RAPGEF2: variants seen among roughly 807,000 people sequenced by gnomAD.
RAPGEF2 encodes the protein PDZ domain containing guanine nucleotide exchange factor (GEF) 1.
RAPGEF2 carries 54 observed loss-of-function variants against 186.7 expected under a neutral mutation model. The ratio of observed to expected loss-of-function variants is 0.29; its 90% CI spans 0.23 to 0.36. RAPGEF2 has a LOEUF of 0.36. Ranked by LOEUF, RAPGEF2 falls within the 10% of genes least tolerant of loss-of-function variation. RAPGEF2 has a pLI of 1.00. For synonymous variants in RAPGEF2, 712 were observed against 705.9 expected (o/e 1.01, Z -0.14); for missense variants, 1,532 against 2,045.0 (o/e 0.75, Z 4.84).
intron 3 of RAPGEF2, among the ~76,000 whole-genome samples, chr4:159,202,121 T>G (rs1222894750): frequency 1.3e-5 from 2 of 152,216 alleles, no homozygotes; most frequent in African/African-American, 4.8e-5. Context: ...AGCCACTGTT[T>G]CTGGACATTT....
chr4:159,217,021 G>A (rs556188404), intron 4 of RAPGEF2, among the ~76,000 whole-genome samples: 18 of 151,998 alleles, frequency 1.2e-4, no homozygotes, highest in African/African-American at 3.1e-4. Flanking sequence ...TCTGCTTGCC[G>A]GTGCTGCGTG....
At chr4:159,195,294 T>A (rs1236730614) in intron 3 of RAPGEF2, among the ~76,000 whole-genome samples, 1 of 152,150 alleles carries the variant, frequency 6.6e-6, no homozygotes, top group Non-Finnish European at 1.5e-5. Flanking sequence ...AGTATACAAA[T>A]AACAGGGATA....
At chr4:159,298,790 A>C (rs921930873) in intron 7 of RAPGEF2, among the ~76,000 whole-genome samples, 1 of 152,202 alleles carries the variant, frequency 6.6e-6, no homozygotes, top group African/African-American at 2.4e-5. Flanking sequence ...TTCCAGCTAC[A>C]GGAATCATGA....
At chr4:159,352,947 C>G in intron 27 of RAPGEF2, 37 bp downstream of exon 27, 1 of 1,504,244 alleles carries the variant, frequency 6.6e-7, no homozygotes, top group Non-Finnish European at 9.1e-7. Flanking sequence ...TGAATTTATC[C>G]TTCCATCTCT....
At chr4:159,212,842 C>T (rs1490677773) in intron 4 of RAPGEF2, among the ~76,000 whole-genome samples, 5 of 152,248 alleles carry the variant, frequency 3.3e-5, no homozygotes, top group Middle Eastern at 3.4e-3. Flanking sequence ...CAGTAGTGGT[C>T]GTCCTTGACT....
rs910377638 is a variant in RAPGEF2 at position 159,314,688 on chromosome 4, C to A, written c.773C>A (p.Ala258Glu). Residue 258 changes from alanine to glutamate, a missense_variant, in exon 9 of 30, where the codon GCA becomes GAA. Physicochemically the swap from Ala to Glu is moderately radical, Grantham distance 107. This residue lies in a region of RAPGEF2 where 810 missense variants were observed against 1,210.5 expected (regional missense o/e 0.67). Transcript: ENST00000691494. Reference sequence around the variant, plus strand: ...GACGATGAAGAAGACATTGAGAGAGCATCAGATCCTCTGATGAGCAGGGAC... The same window carrying A: ...GACGATGAAGAAGACATTGAGAGAGAATCAGATCCTCTGATGAGCAGGGAC... Reference protein sequence around the residue: ...DDDDEEDIERASDPLMSRDIV... With the variant: ...DDDDEEDIERESDPLMSRDIV... 1 of 1,613,826 alleles carries A rather than the reference C, an allele frequency of 6.2e-7. No individual in the cohort carries two copies. The highest frequency in any genetic ancestry group is 8.5e-7 in the Non-Finnish European group (1 of 1,179,922).
chr4:159,202,534 C>T (rs61358978), intron 3 of RAPGEF2, among the ~76,000 whole-genome samples: 19,041 of 152,104 alleles, frequency 0.13, 2,443 homozygotes, highest in African/African-American at 0.33. Context: ...CAGCCACTTC[C>T]GCAACGCCTG....
At chr4:159,175,529 A>T (rs1746369256) in intron 1 of RAPGEF2, among the ~76,000 whole-genome samples, 1 of 152,206 alleles carries the variant, frequency 6.6e-6, no homozygotes, top group Non-Finnish European at 1.5e-5. Flanking sequence ...CAGTTTTAAT[A>T]GGAGTGCTGA....
intron 8 of RAPGEF2, among the ~76,000 whole-genome samples, chr4:159,308,173 T>C (rs1258321226): frequency 6.6e-6 from 1 of 152,162 alleles, no homozygotes; most frequent in Non-Finnish European, 1.5e-5. Flanking sequence ...TAGTTGGAGC[T>C]TACAGCCTGC....
intron 7 of RAPGEF2, among the ~76,000 whole-genome samples, chr4:159,261,721 G>T (rs1756901172): frequency 6.6e-6 from 1 of 152,044 alleles, no homozygotes; most frequent in Non-Finnish European, 1.5e-5. Context: ...CTTTGCTCTG[G>T]ACATCATAGG....
chr4:159,157,702 C>T lies in RAPGEF2; in HGVS notation c.70-28940C>T, dbSNP rs557320393. ...GGGAAGGGGAAACCTTATGAGACAACAGCTTTCTATTGCCATGGTTTTCCT... is the reference window on the plus strand; with the variant it reads ...GGGAAGGGGAAACCTTATGAGACAATAGCTTTCTATTGCCATGGTTTTCCT... On this transcript the variant is annotated intron_variant, in intron 1 of 29. Coordinates refer to ENST00000691494, the MANE Select transcript of RAPGEF2 (RefSeq NM_001394067.2). Among the ~76,000 whole-genome samples the T allele has an allele frequency of 2.0e-5, 3 of 152,318 alleles. No homozygotes were observed. The East Asian group carries it at 5.8e-4, about 29-fold the overall frequency.
At chr4:159,124,897 T>C (rs577092274) in intron 1 of RAPGEF2, among the ~76,000 whole-genome samples, 1 of 152,348 alleles carries the variant, frequency 6.6e-6, no homozygotes, top group East Asian at 1.9e-4. Flanking sequence ...TTATTGTTCA[T>C]CTGTTAATGT....
At chr4:159,301,115 G>A (rs1762614020) in intron 7 of RAPGEF2, among the ~76,000 whole-genome samples, 1 of 152,210 alleles carries the variant, frequency 6.6e-6, no homozygotes, top group Admixed American at 6.5e-5. Flanking sequence ...GCTCATGCCT[G>A]TAATCCCAGC....
In RAPGEF2 at chr4:159,118,815, C is replaced by T. The variant is rs61011101; in HGVS notation, c.69+14584C>T. Among the ~76,000 whole-genome samples the T allele has an allele frequency of 3.3e-5, 5 of 152,208 alleles. No homozygotes were observed. In the East Asian group the frequency reaches 9.7e-4, roughly 29 times the overall value. ...GACCAGACTGGTCTTGGATTTCTGACCTCAGGTGATCCACCCACCTCGGCC... is the reference window on the plus strand; with the variant it reads ...GACCAGACTGGTCTTGGATTTCTGATCTCAGGTGATCCACCCACCTCGGCC... On this transcript the variant is annotated intron_variant, in intron 1 of 29. Coordinates refer to ENST00000691494, the MANE Select transcript of RAPGEF2 (RefSeq NM_001394067.2).
rs550659074 is a variant in RAPGEF2 at position 159,282,757 on chromosome 4, G to A, written c.544-21585G>A. 1.6e-4 allele frequency: 56 copies of A among 361,136 alleles called. 1 individual carries two copies. In the Middle Eastern group the frequency reaches 1.8e-3, roughly 12 times the overall value. 22.4% of individuals were successfully genotyped at this position (361,136 alleles called of 1,614,324 possible). A position where few individuals can be genotyped will look rare whatever the true frequency, so the allele number is the denominator to read the frequency against. On this transcript the variant is annotated intron_variant, in intron 7 of 29. Coordinates refer to ENST00000691494, the MANE Select transcript of RAPGEF2 (RefSeq NM_001394067.2). ...CTTAATATAGATTATAGAAGCATGG[G>A]ATTTGGGGCTGTATTTAAATATGCC...
intron 1 of RAPGEF2, among the ~76,000 whole-genome samples, chr4:159,125,607 A>G (rs955311710): frequency 6.6e-6 from 1 of 151,940 alleles, no homozygotes; most frequent in Non-Finnish European, 1.5e-5. Flanking sequence ...AAATACAAAA[A>G]TTTAGCCGGG....
intron 1 of RAPGEF2, among the ~76,000 whole-genome samples, chr4:159,116,049 G>A (rs765880935): frequency 2.0e-5 from 3 of 152,010 alleles, no homozygotes; most frequent in Non-Finnish European, 4.4e-5. Flanking sequence ...TGATGAAAAC[G>A]TCAAAAGCAA....
chr4:159,176,080 A>G (rs1317307256), intron 1 of RAPGEF2, among the ~76,000 whole-genome samples: 1 of 152,230 alleles, frequency 6.6e-6, no homozygotes, highest in Admixed American at 6.5e-5. Context: ...AGGCTCAGAA[A>G]GGAAGTGTTC....
intron 1 of RAPGEF2, among the ~76,000 whole-genome samples, chr4:159,183,323 G>GAAT (rs1434286337): frequency 1.3e-5 from 2 of 152,214 alleles, no homozygotes; most frequent in Non-Finnish European, 2.9e-5. Context: ...ATGTGGTAAA[G>GAAT]AATAGTCTTT....
Sources: gnomAD v4.1 joint callset for allele counts (sites outside exome capture counted in the v4.1 genomes callset) on GRCh38, gnomAD v4.1.1 for gene constraint, gnomAD v4.1.1 regional missense constraint, MANE v1.5 for transcripts, NCBI Gene and HGNC (gene_info 2026-07-23, HGNC 2026-07-21) for gene names.